DCST1: variants seen among roughly 807,000 people sequenced by gnomAD.
The protein encoded by DCST1 is DC-STAMP domain containing 1.
Under a neutral mutation model 89.1 loss-of-function variants are expected in DCST1, and 78 were observed. That is an observed-to-expected ratio of 0.88 (90% CI 0.73 to 1.06). The LOEUF is 1.06. DCST1 is among the 50% of genes least tolerant of loss of function. The pLI, the probability that DCST1 is intolerant of heterozygous loss-of-function variation, is 0.00. For missense variants in DCST1, 900 were observed against 928.6 expected, an observed-to-expected ratio of 0.97 and a Z score of 0.40; for synonymous variants, 364 against 371.9, an observed-to-expected ratio of 0.98 and a Z score of 0.24.
chr1:155,033,981 T>A lies in DCST1; in HGVS notation c.-56T>A. On this transcript the variant is annotated 5_prime_UTR_variant, in exon 2 of 17. Coordinates refer to ENST00000295542, the MANE Select transcript of DCST1 (RefSeq NM_152494.4). ...TCTCTTCTCTCACCAGAACCTTGTG[T>A]CCAAGGAGGTCCTTCAGGAGACCTG... is the stretch of plus-strand genomic sequence containing the variant. 2.5e-6 allele frequency: 4 copies of A among 1,600,578 alleles called. No individual in the cohort carries two copies. The highest frequency in any genetic ancestry group is 3.4e-6 in the Non-Finnish European group (4 of 1,168,192).
chr1:155,042,610 G>GT, intron 8 of DCST1, 125 bp from the exon 9 acceptor site: 1 of 1,324,530 alleles, frequency 7.5e-7, no homozygotes, highest in Middle Eastern at 2.6e-4. Context: ...CATTGGTGTG[G>GT]TAGCAAGCCA....
Position 155,041,433 on chromosome 1 carries a change from A to C in DCST1, c.568A>C (p.Ile190Leu). 1 of 1,613,864 alleles carries C rather than the reference A, an allele frequency of 6.2e-7. No homozygotes were observed. Among genetic ancestry groups the C allele is most frequent in the Non-Finnish European group, 8.5e-7 (1 of 1,180,010 alleles). The change falls in exon 7 of 17, where the codon ATC becomes CTC. Residue 190 changes from isoleucine (I) to leucine (L), a missense_variant. Transcript: ENST00000295542. ...ATTGCTGAGAGCAGAGACTCGGAAC[A>C]TCTCCGCCACTTTTGAGGACCTGGA... ...KELLRAETRN[I>L]SATFEDLDAQ...
chr1:155,045,670 T>C, intron 10 of DCST1: 1 of 566,666 alleles, frequency 1.8e-6, no homozygotes, highest in African/African-American at 1.9e-5. Context: ...TTCTGCTATG[T>C]CTCACCCATC....
Position 155,041,413 on chromosome 1 carries a change from T to C in DCST1, c.548T>C (p.Leu183Pro). The change falls in exon 7 of 17, where the codon CTG becomes CCG. Residue 183 changes from leucine to proline, a missense_variant. Transcript: ENST00000295542. ...CAATCCCAGAGTAGCAAAGAATTGCTGAGAGCAGAGACTCGGAACATCTCC... is the reference window on the plus strand; with the variant it reads ...CAATCCCAGAGTAGCAAAGAATTGCCGAGAGCAGAGACTCGGAACATCTCC... The part of the protein sequence containing the change: ...FKDLLSSKEL[L>P]RAETRNISAT... The C allele has an allele frequency of 2.5e-6, 4 of 1,613,760 alleles. No individual in the cohort carries two copies. Among genetic ancestry groups the C allele is most frequent in the Non-Finnish European group, 3.4e-6 (4 of 1,180,006 alleles).
intron 16 of DCST1, among the ~76,000 whole-genome samples, chr1:155,049,785 GAAAAACA>G (rs944175521): frequency 5.9e-5 from 9 of 152,002 alleles, no homozygotes; most frequent in African/African-American, 2.2e-4. Flanking sequence ...GTGAAAAAAT[GAAAAACA>G]AAAAACAAAA....
At chr1:155,049,956 C>A (rs1217399999) in intron 16 of DCST1, among the ~76,000 whole-genome samples, 1 of 152,194 alleles carries the variant, frequency 6.6e-6, no homozygotes, top group Non-Finnish European at 1.5e-5. Flanking sequence ...GAGAAACTGG[C>A]TCAGAAGAGA....
At chr1:155,049,610 A>G (rs1660801466) in intron 16 of DCST1, among the ~76,000 whole-genome samples, 1 of 152,050 alleles carries the variant, frequency 6.6e-6, no homozygotes, top group South Asian at 2.1e-4. Flanking sequence ...TATGTACAGT[A>G]TCTTAGTACA....
Position 155,039,532 on chromosome 1 carries a change from G to A in DCST1, c.391+1G>A, listed in dbSNP as rs1346032090. 2 of 1,589,396 alleles carry A rather than the reference G, an allele frequency of 1.3e-6. No homozygotes were observed. The highest frequency in any genetic ancestry group is 1.7e-6 in the Non-Finnish European group (2 of 1,166,972). On this transcript the variant is annotated splice_donor_variant, in intron 5 of 16. Transcript: ENST00000295542. LOFTEE classifies it high-confidence loss of function. Reference sequence around the variant, plus strand: ...TACGCCTTGGCTGCCATCTATGTGGGTGAGTATGTGGGGGCCAGTGAGTTA... The same window carrying A: ...TACGCCTTGGCTGCCATCTATGTGGATGAGTATGTGGGGGCCAGTGAGTTA...
chr1:155,035,286 C>A (rs1381676978), intron 4 of DCST1: 1 of 154,498 alleles, frequency 6.5e-6, no homozygotes, highest in Non-Finnish European at 1.4e-5. Context: ...CTCAGCCTCC[C>A]AAGTAGCTGG....
At chr1:155,039,318 T>G in intron 4 of DCST1, 85 bp from the exon 5 acceptor site, 2 of 1,424,736 alleles carry the variant, frequency 1.4e-6, no homozygotes, top group South Asian at 1.6e-5. Context: ...CAGAAGGGGG[T>G]GTTGCAGGTG....
intron 1 of DCST1, 48 bp from the exon 2 acceptor site, chr1:155,033,924 C>T (rs1389343993): frequency 6.9e-7 from 1 of 1,440,462 alleles, no homozygotes; most frequent in East Asian, 2.3e-5. Context: ...CAGGCCTAGG[C>T]TTCCCATGAA....
chr1:155,038,015 C>CA (rs980767388), intron 4 of DCST1, among the ~76,000 whole-genome samples: 3 of 152,156 alleles, frequency 2.0e-5, no homozygotes, highest in African/African-American at 4.8e-5. Context: ...ATTGCCCTTG[C>CA]AAAAAACCCA....
chr1:155,040,397 A>G, intron 5 of DCST1, 88 bp from the exon 6 acceptor site: 2 of 1,448,302 alleles, frequency 1.4e-6, no homozygotes, highest in Non-Finnish European at 1.9e-6. Flanking sequence ...GTTCTAGGCG[A>G]TGGGCACTAT....
chr1:155,034,376 TA>T (rs771446061), intron 2 of DCST1, 58 bp from the exon 3 acceptor site: 2 of 1,612,546 alleles, frequency 1.2e-6, no homozygotes, highest in Non-Finnish European at 1.7e-6. Flanking sequence ...CCCTGAATCC[TA>T]ATGAGCCCCA....
intron 9 of DCST1, among the ~76,000 whole-genome samples, chr1:155,043,089 C>G (rs549964901): frequency 6.6e-6 from 1 of 152,126 alleles, no homozygotes; most frequent in Admixed American, 6.5e-5. Context: ...GAGGAGGGGA[C>G]AGTGCCAAGC....
At chr1:155,042,633 C>T (rs1660469816) in intron 8 of DCST1, 102 bp from the exon 9 acceptor site, 1 of 1,532,662 alleles carries the variant, frequency 6.5e-7, no homozygotes, top group Non-Finnish European at 8.9e-7. Flanking sequence ...GGCAGAGAGA[C>T]AAAAAAGCAG....
intron 4 of DCST1, among the ~76,000 whole-genome samples, chr1:155,035,558 A>T (rs1660253549): frequency 6.6e-6 from 1 of 152,332 alleles, no homozygotes; most frequent in East Asian, 1.9e-4. Context: ...ACTTCTCTTC[A>T]GGTCACAAGA....
chr1:155,034,335 C>T (rs1334749824), intron 2 of DCST1, 100 bp from the exon 3 acceptor site: 1 of 1,606,658 alleles, frequency 6.2e-7, no homozygotes, highest in Non-Finnish European at 8.5e-7. Flanking sequence ...TTTCACATGC[C>T]AGGTTTCCCC....
intron 11 of DCST1, 58 bp downstream of exon 11, chr1:155,046,050 C>A: frequency 1.2e-6 from 2 of 1,613,302 alleles, no homozygotes; most frequent in South Asian, 1.1e-5. Context: ...TGTGTGGGTT[C>A]ATGCTCCAGG....
Sources: gnomAD v4.1 joint callset for allele counts (sites outside exome capture counted in the v4.1 genomes callset) on GRCh38, gnomAD v4.1.1 for gene constraint, MANE v1.5 for transcripts, NCBI Gene and HGNC (gene_info 2026-07-23, HGNC 2026-07-21) for gene names.